SREBF2: variants seen among roughly 807,000 people sequenced by gnomAD.
SREBF2 encodes the protein sterol regulatory element binding transcription factor 2.
In SREBF2, 55 loss-of-function variants were observed where a neutral mutation model predicts 113.1. The observed-to-expected ratio is 0.49, with a 90% CI of 0.39 to 0.61. The LOEUF (loss-of-function observed/expected upper bound fraction) is 0.61. Ranked by LOEUF, SREBF2 falls within the 20% of genes least tolerant of loss-of-function variation. The pLI, the probability that SREBF2 is intolerant of heterozygous loss-of-function variation, is 0.00. For missense variants in SREBF2, 1,349 were observed against 1,487.4 expected (o/e 0.91, Z 1.53); for synonymous variants, 593 against 605.7 (o/e 0.98, Z 0.31).
intron 11 of SREBF2, among the ~76,000 whole-genome samples, chr22:41,885,404 G>C (rs575911314): frequency 3.3e-5 from 5 of 152,312 alleles, no homozygotes; most frequent in African/African-American, 1.2e-4. Context: ...TTACTCAGAA[G>C]GTATTTATTG....
In SREBF2 at chr22:41,900,455, G is replaced by T. The variant is rs1466349867; in HGVS notation, c.2864G>T (p.Ser955Ile). The change falls in exon 16 of 19, where the codon AGC becomes ATC. Residue 955 changes from serine (S) to isoleucine (I), a missense_variant. Transcript: ENST00000361204. ...CERASGHLWS[S>I]LNVSGATSDP... ...AGGGCCAGTGGCCACCTATGGAGCAGCCTCAACGTCAGTGGGGCCACCTCT... is the reference window on the plus strand; with the variant it reads ...AGGGCCAGTGGCCACCTATGGAGCATCCTCAACGTCAGTGGGGCCACCTCT... 2 of 1,613,910 alleles carry T rather than the reference G, an allele frequency of 1.2e-6. No homozygotes were observed. The highest frequency in any genetic ancestry group is 2.2e-5 in the South Asian group (2 of 91,074).
intron 1 of SREBF2, among the ~76,000 whole-genome samples, chr22:41,862,085 G>A (rs1411512572): frequency 5.3e-5 from 8 of 151,736 alleles, no homozygotes; most frequent in African/African-American, 2.0e-4. Flanking sequence ...TGGAGAAACT[G>A]TAACCCTATT....
In SREBF2 at chr22:41,906,911, C is replaced by CTGTT. The variant is rs751123408; in HGVS notation, c.*1253_*1256dup. ...CCCCAGGTGCAGCACCTCCCGGAGA[C>CTGTT]TGTTTCTCCCATGGCCTCCTGAGTG... On this transcript the variant is annotated 3_prime_UTR_variant, in exon 19 of 19. Coordinates refer to ENST00000361204, the MANE Select transcript of SREBF2 (RefSeq NM_004599.4). 2.6e-5 allele frequency: 4 copies of CTGTT among 152,202 alleles called. No individual in the cohort carries two copies. The highest frequency in any genetic ancestry group is 5.9e-5 in the Non-Finnish European group (4 of 68,060). 9.4% of individuals were successfully genotyped at this position (152,202 alleles called of 1,614,324 possible).
intron 15 of SREBF2, chr22:41,899,078 C>T (rs879416582): frequency 1.9e-5 from 12 of 622,126 alleles, no homozygotes; most frequent in African/African-American, 3.8e-5. Context: ...AAAGAAGAGA[C>T]GAGAGCAGTG....
intron 9 of SREBF2, among the ~76,000 whole-genome samples, chr22:41,879,995 C>T (rs1008744885): frequency 6.6e-6 from 1 of 152,084 alleles, no homozygotes; most frequent in African/African-American, 2.4e-5. Context: ...CCCAGGAGTT[C>T]AAGACCAGCC....
chr22:41,845,565 T>C (rs561282074), intron 1 of SREBF2, among the ~76,000 whole-genome samples: 2 of 152,330 alleles, frequency 1.3e-5, no homozygotes, highest in East Asian at 3.9e-4. Flanking sequence ...GGAGCTAACA[T>C]GTAAACATCC....
At chr22:41,903,209 G>C in intron 17 of SREBF2, 54 bp downstream of exon 17, 1 of 1,537,604 alleles carries the variant, frequency 6.5e-7, no homozygotes, top group Non-Finnish European at 8.7e-7. Flanking sequence ...TGGGGCCTGA[G>C]CCCAGAACCC....
intron 11 of SREBF2, among the ~76,000 whole-genome samples, chr22:41,887,429 T>A (rs2077309859): frequency 1.3e-5 from 2 of 152,134 alleles, no homozygotes. Flanking sequence ...GTAACCACCA[T>A]CCTAGTCACC....
chr22:41,896,120 G>A (rs141936990), intron 13 of SREBF2, among the ~76,000 whole-genome samples: 143 of 150,692 alleles, frequency 9.5e-4, no homozygotes, highest in African/African-American at 3.4e-3. Flanking sequence ...CAGCCTGGGT[G>A]ACAGAGCTAG....
intron 1 of SREBF2, among the ~76,000 whole-genome samples, chr22:41,849,044 A>G (rs1345434493): frequency 6.6e-6 from 1 of 152,224 alleles, no homozygotes. Flanking sequence ...ATGAATATAT[A>G]CATACGTATA....
chr22:41,905,018 C>T lies in SREBF2; in HGVS notation c.3205+44C>T, dbSNP rs776385530. Reference sequence around the variant, plus strand: ...AGCTCACAGGCTGGGCCAGGCCCTGCGCCCTAGGAAGAGAGGAGAAGAGGG... The same window carrying T: ...AGCTCACAGGCTGGGCCAGGCCCTGTGCCCTAGGAAGAGAGGAGAAGAGGG... On this transcript the variant is annotated intron_variant, in intron 18 of 18. Coordinates refer to ENST00000361204, the MANE Select transcript of SREBF2 (RefSeq NM_004599.4). 4.0e-5 allele frequency: 61 copies of T among 1,517,640 alleles called. No individual in the cohort carries two copies. In the South Asian group the frequency reaches 4.5e-4, roughly 11 times the overall value. 94.0% of individuals were successfully genotyped at this position (1,517,640 alleles called of 1,614,324 possible). A position where few individuals can be genotyped will look rare whatever the true frequency, so the allele number is the denominator to read the frequency against.
chr22:41,904,439 A>T (rs1025589608), intron 17 of SREBF2: 2 of 394,338 alleles, frequency 5.1e-6, no homozygotes, highest in Non-Finnish European at 1.0e-5. Flanking sequence ...CTTTCTAAAG[A>T]TACGGAAAGA....
At chr22:41,879,944 C>T (rs896658307) in intron 9 of SREBF2, among the ~76,000 whole-genome samples, 6 of 152,106 alleles carry the variant, frequency 3.9e-5, no homozygotes, top group African/African-American at 1.4e-4. Context: ...GGCATGAAGC[C>T]GGGTGCTGTG....
intron 1 of SREBF2, among the ~76,000 whole-genome samples, chr22:41,846,378 C>T (rs747184464): frequency 6.6e-6 from 1 of 152,176 alleles, no homozygotes; most frequent in Non-Finnish European, 1.5e-5. Context: ...CCTCAAGGGT[C>T]GCACTCCTGG....
In SREBF2 at chr22:41,900,326, G is replaced by A. The variant is rs144200927; in HGVS notation, c.2739-4G>A. 168 of 1,612,404 alleles carry A rather than the reference G, an allele frequency of 1.0e-4. No individual in the cohort carries two copies. The highest frequency in any genetic ancestry group is 1.3e-4 in the Non-Finnish European group (156 of 1,180,012). ...TGCCTCTCGACTCCCTGTCACTGCT[G>A]CAGGAGCCCCCTGGTGAAGGCCATC... is the stretch of plus-strand genomic sequence containing the variant. On this transcript the variant is annotated splice_polypyrimidine_tract_variant and splice_region_variant and intron_variant, in intron 15 of 18. Coordinates refer to ENST00000361204, the MANE Select transcript of SREBF2 (RefSeq NM_004599.4).
Position 41,904,914 on chromosome 22 carries a change from C to T in SREBF2, c.3145C>T (p.Arg1049Cys), listed in dbSNP as rs1004518589. 3.1e-6 allele frequency: 5 copies of T among 1,605,842 alleles called. No homozygotes were observed. The highest frequency in any genetic ancestry group is 1.7e-5 in the Admixed American group (1 of 59,608). Residue 1049 changes from arginine (R) to cysteine (C), a missense_variant, in exon 18 of 19, where the codon CGC becomes TGC. Coordinates refer to ENST00000361204, the MANE Select transcript of SREBF2 (RefSeq NM_004599.4). The stretch of plus-strand genomic sequence containing the variant: ...CCTGATGGCAGGAGCCAGCCCCACC[C>T]GCACCCACCAGCTGCTGGAACACAG... ...VRLMAGASPT[R>C]THQLLEHSLR...
intron 18 of SREBF2, 65 bp from the exon 19 acceptor site, chr22:41,905,375 A>G: frequency 6.9e-7 from 1 of 1,449,800 alleles, no homozygotes; most frequent in African/African-American, 1.4e-5. Flanking sequence ...AGTCCAGGTA[A>G]CGCCAAGGAA....
chr22:41,833,439 C>T lies in SREBF2; in HGVS notation c.88+81C>T. On this transcript the variant is annotated intron_variant, in intron 1 of 18. Transcript: ENST00000361204. The surrounding 1 kb of genome is among the most constrained non-coding windows in gnomAD (Gnocchi z 4.1). ...CGGCGCGCCCGGGTGCGCGTGCGCC[C>T]ACCCCCCGACAGCCCCGGTTCGCGC... 4.8e-6 allele frequency: 6 copies of T among 1,252,092 alleles called. No homozygotes were observed. Among genetic ancestry groups the T allele is most frequent in the Non-Finnish European group, 6.7e-6 (6 of 901,360 alleles). 77.6% of individuals were successfully genotyped at this position (1,252,092 alleles called of 1,614,324 possible). A position where few individuals can be genotyped will look rare whatever the true frequency, so the allele number is the denominator to read the frequency against.
At chr22:41,891,199 C>G (rs73165104) in intron 11 of SREBF2, 4,585 of 152,272 alleles carry the variant, frequency 0.03, 102 homozygotes, top group Non-Finnish European at 0.048. Context: ...CACCACCCCC[C>G]AATCTCCCTC....
Sources: gnomAD v4.1 joint callset for allele counts (sites outside exome capture counted in the v4.1 genomes callset) on GRCh38, gnomAD v4.1.1 for gene constraint, Gnocchi (gnomAD v3.1) non-coding constraint, MANE v1.5 for transcripts, NCBI Gene and HGNC (gene_info 2026-07-23, HGNC 2026-07-21) for gene names.